JARID2: variants seen among roughly 807,000 people sequenced by gnomAD.
JARID2 encodes protein Jumonji.
JARID2 carries 21 observed loss-of-function variants against 125.6 expected under a neutral mutation model. The ratio of observed to expected loss-of-function variants is 0.17; its 90% confidence interval spans 0.12 to 0.24. The LOEUF (loss-of-function observed/expected upper bound fraction) is 0.24. JARID2 is among the 10% of genes least tolerant of loss of function. JARID2 has a pLI of 1.00. For missense variants in JARID2, 1,303 were observed against 1,639.6 expected (o/e 0.79, Z 3.55); for synonymous variants, 736 against 661.6 (o/e 1.11, Z -1.73).
chr6:15,286,255 C>CTT (rs60401396), intron 1 of JARID2, among the ~76,000 whole-genome samples: 23 of 137,732 alleles, frequency 1.7e-4, no homozygotes, highest in African/African-American at 4.2e-4. Context: ...TGGAAGAATT[C>CTT]TTTTTTTTTT....
chr6:15,515,763 AC>A (rs1464290926), intron 16 of JARID2, among the ~76,000 whole-genome samples: 1 of 148,990 alleles, frequency 6.7e-6, no homozygotes, highest in African/African-American at 2.4e-5. Flanking sequence ...AAAAAAAAAA[AC>A]AAAAACAAAA....
chr6:15,389,351 G>A (rs1764914754), intron 2 of JARID2, among the ~76,000 whole-genome samples: 1 of 152,136 alleles, frequency 6.6e-6, no homozygotes, highest in African/African-American at 2.4e-5. Flanking sequence ...TAGAGATGGG[G>A]TGTCACTGTA....
intron 1 of JARID2, among the ~76,000 whole-genome samples, chr6:15,318,073 GGT>G (rs1325373473): frequency 6.6e-6 from 1 of 152,194 alleles, no homozygotes; most frequent in Non-Finnish European, 1.5e-5. Flanking sequence ...ATTAAAGCAT[GGT>G]GGCGCATGCC....
At chr6:15,251,927 G>A (rs1045929868) in intron 1 of JARID2, among the ~76,000 whole-genome samples, 1 of 151,716 alleles carries the variant, frequency 6.6e-6, no homozygotes, top group African/African-American at 2.4e-5. Context: ...GCGGTGAGCC[G>A]CTTGAACCTG....
intron 3 of JARID2, among the ~76,000 whole-genome samples, chr6:15,410,660 TC>T (rs1765839347): frequency 6.6e-6 from 1 of 152,234 alleles, no homozygotes; most frequent in African/African-American, 2.4e-5. Context: ...TTAAATTGAT[TC>T]TCAGCAGCAG....
intron 4 of JARID2, among the ~76,000 whole-genome samples, chr6:15,458,082 A>T (rs1768269490): frequency 6.6e-6 from 1 of 152,166 alleles, no homozygotes. Flanking sequence ...TTTCACTGGC[A>T]CACGCGGGGA....
chr6:15,478,066 G>T (rs892156283), intron 5 of JARID2, among the ~76,000 whole-genome samples: 3 of 152,152 alleles, frequency 2.0e-5, no homozygotes, highest in African/African-American at 7.2e-5. Context: ...GTATTTATTT[G>T]TTCCACTGGC....
chr6:15,347,018 G>C (rs1157939337), intron 1 of JARID2, among the ~76,000 whole-genome samples: 1 of 152,120 alleles, frequency 6.6e-6, no homozygotes, highest in African/African-American at 2.4e-5. Flanking sequence ...ACAGGTGTGA[G>C]CCACCATTCC....
intron 2 of JARID2, among the ~76,000 whole-genome samples, chr6:15,383,506 T>C (rs750605529): frequency 3.3e-5 from 5 of 152,216 alleles, no homozygotes; most frequent in African/African-American, 7.2e-5. Context: ...TCCCTTGTTC[T>C]TGCATCTCCT....
chr6:15,283,321 C>T (rs1760851375), intron 1 of JARID2, among the ~76,000 whole-genome samples: 1 of 146,764 alleles, frequency 6.8e-6, no homozygotes, highest in Non-Finnish European at 1.5e-5. Context: ...GTCTCCTAGT[C>T]TGTCCTTTGT....
chr6:15,372,716 ATTTT>A (rs1007809942), intron 1 of JARID2, among the ~76,000 whole-genome samples: 2 of 145,938 alleles, frequency 1.4e-5, no homozygotes, highest in African/African-American at 2.6e-5. Context: ...TTATTTATTT[ATTTT>A]TTTTTTTGAG....
At chr6:15,282,046 T>C (rs970130471) in intron 1 of JARID2, among the ~76,000 whole-genome samples, 19 of 151,490 alleles carry the variant, frequency 1.3e-4, no homozygotes, top group African/African-American at 4.4e-4. Context: ...GCCTCCCGAG[T>C]TCAGACCATT....
At chr6:15,312,028 G>T (rs934548049) in intron 1 of JARID2, among the ~76,000 whole-genome samples, 1 of 152,106 alleles carries the variant, frequency 6.6e-6, no homozygotes, top group African/African-American at 2.4e-5. Flanking sequence ...TACTGTTCTA[G>T]ATTTAAAAAA....
chr6:15,431,178 C>G (rs1232878956), intron 3 of JARID2, among the ~76,000 whole-genome samples: 1 of 152,146 alleles, frequency 6.6e-6, no homozygotes, highest in African/African-American at 2.4e-5. Context: ...GCAATTCAGC[C>G]TAATTGAACT....
intron 3 of JARID2, among the ~76,000 whole-genome samples, chr6:15,433,931 T>G (rs1264909813): frequency 0.012 from 960 of 81,730 alleles, 12 homozygotes; most frequent in African/African-American, 0.048. Flanking sequence ...GGTGTGTGTG[T>G]GTGTGTGTGT....
intron 1 of JARID2, among the ~76,000 whole-genome samples, chr6:15,348,905 C>G (rs115726726): frequency 3.9e-5 from 6 of 152,236 alleles, no homozygotes; most frequent in African/African-American, 1.2e-4. Flanking sequence ...AAAAGAAATA[C>G]TTACTTCAGT....
At chr6:15,488,918 T>C (rs1020722452) in intron 6 of JARID2, among the ~76,000 whole-genome samples, 7 of 152,140 alleles carry the variant, frequency 4.6e-5, no homozygotes, top group African/African-American at 1.7e-4. Context: ...CTGGCGTCTC[T>C]TAACCATTGG....
At chr6:15,409,595 G>T (rs1198601372) in intron 2 of JARID2, among the ~76,000 whole-genome samples, 1 of 152,080 alleles carries the variant, frequency 6.6e-6, no homozygotes, top group Non-Finnish European at 1.5e-5. Context: ...CCATATTTTG[G>T]TTACTAAAAG....
At chr6:15,269,450 C>T (rs1760212729) in intron 1 of JARID2, among the ~76,000 whole-genome samples, 1 of 152,122 alleles carries the variant, frequency 6.6e-6, no homozygotes, top group Admixed American at 6.6e-5. Flanking sequence ...CATCCTTGAA[C>T]TCTTGGGCTC....
Sources: allele counts gnomAD v4.1 joint callset (sites outside exome capture counted in the v4.1 genomes callset), GRCh38; gene constraint gnomAD v4.1.1; transcripts MANE v1.5; gene names NCBI Gene and HGNC (gene_info 2026-07-23, HGNC 2026-07-21).